The following TAFA1 variants were observed in gnomAD, a reference collection of about 807,000 sequenced individuals.
TAFA1 encodes TAFA chemokine like family member 1.
Under a neutral mutation model 18.5 loss-of-function variants are expected in TAFA1, and 4 were observed. That is an observed-to-expected ratio of 0.22 (90% CI 0.11 to 0.49). TAFA1 has a LOEUF of 0.49. Among genes scored for constraint, TAFA1 ranks in the 20% least tolerant of loss-of-function variants. TAFA1 has a pLI of 0.98. For synonymous variants in TAFA1, 56 were observed against 55.2 expected (o/e 1.01, Z -0.06); for missense variants, 147 against 169.0 (o/e 0.87, Z 0.72).
intron 2 of TAFA1, among the ~76,000 whole-genome samples, chr3:68,306,455 T>A (rs1240020429): frequency 2.6e-5 from 4 of 152,324 alleles, no homozygotes; most frequent in African/African-American, 9.6e-5. Context: ...TGAGTTTAGT[T>A]TTCACATATT....
intron 2 of TAFA1, among the ~76,000 whole-genome samples, chr3:68,271,375 A>G (rs1478502706): frequency 2.0e-5 from 3 of 152,194 alleles, no homozygotes; most frequent in Non-Finnish European, 4.4e-5. Context: ...CATATTGTCC[A>G]GGGGATGGAA....
chr3:68,246,112 G>A (rs1027141429), intron 2 of TAFA1, among the ~76,000 whole-genome samples: 1 of 152,128 alleles, frequency 6.6e-6, no homozygotes, highest in African/African-American at 2.4e-5. Context: ...ACATCTCCAT[G>A]TGGAGCTTGC....
At chr3:68,062,228 G>A (rs2064613068) in intron 2 of TAFA1, among the ~76,000 whole-genome samples, 1 of 152,058 alleles carries the variant, frequency 6.6e-6, no homozygotes, top group Non-Finnish European at 1.5e-5. Flanking sequence ...TGAATCAAGG[G>A]CACCGCAACA....
intron 2 of TAFA1, among the ~76,000 whole-genome samples, chr3:68,034,763 C>T (rs1170284164): frequency 6.6e-6 from 1 of 152,014 alleles, no homozygotes; most frequent in African/African-American, 2.4e-5. Context: ...ATACTGGGAA[C>T]ACTATAGATT....
chr3:68,091,042 A>C (rs754749307), intron 2 of TAFA1, among the ~76,000 whole-genome samples: 7 of 152,226 alleles, frequency 4.6e-5, no homozygotes, highest in Non-Finnish European at 1.0e-4. Context: ...AATCTGCTTC[A>C]GAATAGCTTT....
intron 2 of TAFA1, among the ~76,000 whole-genome samples, chr3:68,227,014 C>T (rs555540883): frequency 6.6e-6 from 1 of 152,300 alleles, no homozygotes; most frequent in East Asian, 1.9e-4. Context: ...GATTTGGCCT[C>T]TGTCCTCTAG....
intron 2 of TAFA1, among the ~76,000 whole-genome samples, chr3:68,363,780 T>C (rs1052175075): frequency 5.3e-5 from 8 of 152,174 alleles, no homozygotes; most frequent in African/African-American, 1.9e-4. Flanking sequence ...AATCTCCCAA[T>C]ATATCCAAAA....
At chr3:68,541,350 A>G (rs1272794427) in intron 4 of TAFA1, among the ~76,000 whole-genome samples, 6 of 152,212 alleles carry the variant, frequency 3.9e-5, no homozygotes, top group African/African-American at 1.4e-4. Flanking sequence ...TATAGGAACC[A>G]TCTATTCTGT....
At chr3:68,096,070 C>G (rs1041263856) in intron 2 of TAFA1, among the ~76,000 whole-genome samples, 1 of 152,050 alleles carries the variant, frequency 6.6e-6, no homozygotes, top group Non-Finnish European at 1.5e-5. Context: ...TCTCCCCCTC[C>G]CACTCACACA....
chr3:68,077,595 G>A (rs1311482002), intron 2 of TAFA1, among the ~76,000 whole-genome samples: 14 of 151,522 alleles, frequency 9.2e-5, no homozygotes, highest in African/African-American at 3.4e-4. Flanking sequence ...TTTTTCTCAG[G>A]TTTGTCAAAG....
chr3:68,087,567 C>T (rs1416980715), intron 2 of TAFA1, among the ~76,000 whole-genome samples: 1 of 144,896 alleles, frequency 6.9e-6, no homozygotes, highest in African/African-American at 2.5e-5. Context: ...TCCCTCCCTC[C>T]CTCCTTCCGT....
intron 2 of TAFA1, among the ~76,000 whole-genome samples, chr3:68,263,122 G>A (rs186752378): frequency 6.6e-6 from 1 of 152,076 alleles, no homozygotes; most frequent in African/African-American, 2.4e-5. Context: ...TTAAGAGATG[G>A]TGTCTTACTA....
chr3:68,115,058 T>C (rs1471232021), intron 2 of TAFA1, among the ~76,000 whole-genome samples: 1 of 151,834 alleles, frequency 6.6e-6, no homozygotes, highest in Non-Finnish European at 1.5e-5. Context: ...AACAAGGAAG[T>C]GATAAGTAAA....
At chr3:68,344,044 T>C (rs2106759199) in intron 2 of TAFA1, among the ~76,000 whole-genome samples, 1 of 152,324 alleles carries the variant, frequency 6.6e-6, no homozygotes, top group Admixed American at 6.5e-5. Context: ...GGTTTCTCCA[T>C]GTTGATCAGG....
At chr3:68,499,379 C>CTT (rs948352718) in intron 3 of TAFA1, among the ~76,000 whole-genome samples, 2 of 146,008 alleles carry the variant, frequency 1.4e-5, no homozygotes, top group Non-Finnish European at 3.0e-5. Flanking sequence ...GGTATTTTTG[C>CTT]TTTTTGTTTT....
chr3:68,391,991 C>T (rs9838897), intron 2 of TAFA1, among the ~76,000 whole-genome samples: 70,479 of 151,748 alleles, frequency 0.46, 17,045 homozygotes, highest in African/African-American at 0.55. Flanking sequence ...AATGACAGGA[C>T]CAAATTCACA....
chr3:68,349,430 A>G (rs1434372621), intron 2 of TAFA1, among the ~76,000 whole-genome samples: 1 of 152,106 alleles, frequency 6.6e-6, no homozygotes, highest in East Asian at 1.9e-4. Context: ...AGACTAATAA[A>G]GGACGATAAA....
chr3:68,044,220 G>C (rs1034577936), intron 2 of TAFA1, among the ~76,000 whole-genome samples: 1 of 152,116 alleles, frequency 6.6e-6, no homozygotes, highest in African/African-American at 2.4e-5. Context: ...TCCCTTGCAG[G>C]ACTTACTGCA....
chr3:68,379,526 T>C (rs2069887932), intron 2 of TAFA1, among the ~76,000 whole-genome samples: 2 of 152,206 alleles, frequency 1.3e-5, no homozygotes, highest in African/African-American at 4.8e-5. Flanking sequence ...CTTTTGCTTT[T>C]GTCGTAATTG....
Sources: gnomAD v4.1 joint callset for allele counts (sites outside exome capture counted in the v4.1 genomes callset) on GRCh38, gnomAD v4.1.1 for gene constraint, MANE v1.5 for transcripts, NCBI Gene and HGNC (gene_info 2026-07-23, HGNC 2026-07-21) for gene names.